The following SLC12A6 variants were observed in gnomAD, a reference collection of about 807,000 sequenced individuals.
SLC12A6 encodes K-Cl cotransporter 3.
A neutral mutation model predicts 135.3 loss-of-function variants in SLC12A6; 66 were observed. That is an observed-to-expected ratio of 0.49 (90% CI 0.40 to 0.60). SLC12A6 has a LOEUF of 0.60. SLC12A6 is among the 20% of genes least tolerant of loss of function. The pLI, the probability that SLC12A6 is intolerant of heterozygous loss-of-function variation, is 0.00. For missense variants in SLC12A6, 1,058 were observed against 1,452.3 expected, an observed-to-expected ratio of 0.73 and a Z score of 4.41; for synonymous variants, 513 against 508.8, an observed-to-expected ratio of 1.01 and a Z score of -0.11.
At chr15:34,293,047 T>G (rs1022290172) in intron 2 of SLC12A6, among the ~76,000 whole-genome samples, 1 of 152,156 alleles carries the variant, frequency 6.6e-6, no homozygotes, top group Non-Finnish European at 1.5e-5. Context: ...CCCAATGAGA[T>G]GAACCAGGTA....
At chr15:34,315,078 GC>G (rs770128249) in intron 2 of SLC12A6, among the ~76,000 whole-genome samples, 4 of 152,180 alleles carry the variant, frequency 2.6e-5, no homozygotes, top group Non-Finnish European at 4.4e-5. Context: ...CATGAAATCT[GC>G]TGATGAAGAT....
chr15:34,246,736 T>C (rs1433680741), intron 13 of SLC12A6, among the ~76,000 whole-genome samples: 1 of 152,128 alleles, frequency 6.6e-6, no homozygotes, highest in Admixed American at 6.6e-5. Context: ...AGCCTTGACC[T>C]CTCTGGCTCA....
chr15:34,242,238 A>G lies in SLC12A6; in HGVS notation c.2043-17T>C. 1.3e-6 allele frequency: 2 copies of G among 1,578,428 alleles called. No homozygotes were observed. The highest frequency in any genetic ancestry group is 1.7e-6 in the Non-Finnish European group (2 of 1,148,342). On this transcript the variant is annotated splice_polypyrimidine_tract_variant and intron_variant, in intron 16 of 25. Coordinates refer to ENST00000354181, the MANE Select transcript of SLC12A6 (RefSeq NM_001365088.1). ...GAAAGGGCCCTAGAAAATTAAAAAC[A>G]AAAAAGTATCTTTTAAAGTAGCTGA...
At chr15:34,263,476 C>T (rs1471423984) in intron 3 of SLC12A6, among the ~76,000 whole-genome samples, 1 of 151,824 alleles carries the variant, frequency 6.6e-6, no homozygotes, top group African/African-American at 2.4e-5. Context: ...TATTTTTGTA[C>T]AAACCCTTCC....
intron 3 of SLC12A6, among the ~76,000 whole-genome samples, chr15:34,261,784 T>C (rs747565611): frequency 4.6e-5 from 7 of 152,238 alleles, no homozygotes; most frequent in Non-Finnish European, 8.8e-5. Context: ...TTGATTTGCA[T>C]TTCTCTGATG....
At chr15:34,285,803 T>C (rs1247545002) in intron 2 of SLC12A6, among the ~76,000 whole-genome samples, 1 of 149,198 alleles carries the variant, frequency 6.7e-6, no homozygotes, top group Non-Finnish European at 1.5e-5. Flanking sequence ...TTGACAGCAA[T>C]ACACTAAATC....
chr15:34,314,046 T>C (rs932834118), intron 2 of SLC12A6, among the ~76,000 whole-genome samples: 8 of 134,030 alleles, frequency 6.0e-5, no homozygotes, highest in Non-Finnish European at 9.3e-5. Flanking sequence ...GCATGGTTTA[T>C]TGATTTTTTT....
intron 2 of SLC12A6, among the ~76,000 whole-genome samples, chr15:34,316,560 T>C (rs1267371914): frequency 6.6e-6 from 1 of 152,198 alleles, no homozygotes; most frequent in East Asian, 1.9e-4. Flanking sequence ...TTCTGGGCTG[T>C]TATGGAAAAT....
chr15:34,268,549 G>A (rs1194263960), intron 3 of SLC12A6, among the ~76,000 whole-genome samples: 1 of 152,172 alleles, frequency 6.6e-6, no homozygotes, highest in Non-Finnish European at 1.5e-5. Flanking sequence ...TGATTATATT[G>A]AAAGGCAAGG....
chr15:34,304,461 C>CA (rs1192505861), intron 2 of SLC12A6, among the ~76,000 whole-genome samples: 2 of 152,136 alleles, frequency 1.3e-5, no homozygotes, highest in Non-Finnish European at 2.9e-5. Flanking sequence ...AAGAAACTGT[C>CA]AAATTGTTTT....
Position 34,258,931 on chromosome 15 carries a change from G to A in SLC12A6, c.425C>T (p.Thr142Ile), listed in dbSNP as rs1409417401. Residue 142 changes from threonine to isoleucine, a missense_variant, in exon 5 of 26, where the codon ACC becomes ATC. Thr to Ile is a moderately conservative substitution (Grantham distance 89, BLOSUM62 -1). Transcript: ENST00000354181. ...NLALFEEEMD[T>I]RPKVSSLLNR... Reference sequence around the variant, plus strand: ...GAGGAGGGAAGACACCTTCGGTCTGGTGTCCATTTCTTCCTATAAAGCCAG... The same window carrying A: ...GAGGAGGGAAGACACCTTCGGTCTGATGTCCATTTCTTCCTATAAAGCCAG... 5 of 1,610,838 alleles carry A rather than the reference G, an allele frequency of 3.1e-6. No homozygotes were observed. In the East Asian group the frequency reaches 1.1e-4, roughly 36 times the overall value.
intron 2 of SLC12A6, among the ~76,000 whole-genome samples, chr15:34,282,152 C>T (rs1410213959): frequency 1.3e-5 from 2 of 152,066 alleles, no homozygotes; most frequent in African/African-American, 4.8e-5. Flanking sequence ...GTCCTTAGGG[C>T]ATAAGTACAC....
At chr15:34,284,272 C>CTT (rs1595496165) in intron 2 of SLC12A6, among the ~76,000 whole-genome samples, 11 of 118,970 alleles carry the variant, frequency 9.2e-5, no homozygotes, top group East Asian at 2.4e-4. Context: ...TTCTTTGTTT[C>CTT]TTTTCTTTTT....
intron 2 of SLC12A6, among the ~76,000 whole-genome samples, chr15:34,332,782 C>T (rs1243676181): frequency 1.9e-5 from 2 of 103,210 alleles, no homozygotes; most frequent in Non-Finnish European, 4.1e-5. Flanking sequence ...GACTTTGCCT[C>T]AAAAAAAAAA....
At position 34,243,991 on chromosome 15, in the gene SLC12A6, T is replaced by C; in HGVS notation, c.2025A>G (p.Arg675=). 1 of 1,593,726 alleles carries C rather than the reference T, an allele frequency of 6.3e-7. No individual in the cohort carries two copies. The highest frequency in any genetic ancestry group is 1.1e-5 in the South Asian group (1 of 90,680). The part of the protein sequence containing the change: ...TLLRTPNWRP[R]FRYYHWALSF... Reference sequence around the variant, plus strand: ...AGACTTACCAATGGTAGTAGCGGAATCGGGGTCTCCAGTTGGGTGTTCGAA... The same window carrying C: ...AGACTTACCAATGGTAGTAGCGGAACCGGGGTCTCCAGTTGGGTGTTCGAA... The change falls in exon 16 of 26, where the codon CGA becomes CGG. Residue 675 remains arginine (R), a synonymous_variant. Transcript: ENST00000354181.
intron 13 of SLC12A6, among the ~76,000 whole-genome samples, chr15:34,248,681 G>C (rs964328035): frequency 6.6e-6 from 1 of 152,008 alleles, no homozygotes; most frequent in Admixed American, 6.6e-5. Flanking sequence ...AGTCCTCAAA[G>C]AGCTCAACGT....
chr15:34,237,431 T>C lies in SLC12A6; in HGVS notation c.2922A>G (p.Glu974=), dbSNP rs1891344015. The stretch of plus-strand genomic sequence containing the variant: ...TCAGCTTTCTCACCATCTCCACCAC[T>C]TCTACCTCCGCCTCAATGCGTAAGT... ...LYHLRIEAEV[E]VVEMHDSDIS... The change falls in exon 22 of 26, where the codon GAA becomes GAG. Residue 974 remains glutamate (E), a synonymous_variant. Coordinates refer to ENST00000354181, the MANE Select transcript of SLC12A6 (RefSeq NM_001365088.1). 6.2e-7 allele frequency: 1 copy of C among 1,612,664 alleles called. No homozygotes were observed. Among genetic ancestry groups the C allele is most frequent in the Non-Finnish European group, 8.5e-7 (1 of 1,179,192 alleles).
At chr15:34,303,855 G>A (rs543914278) in intron 2 of SLC12A6, among the ~76,000 whole-genome samples, 18 of 152,234 alleles carry the variant, frequency 1.2e-4, no homozygotes, top group African/African-American at 4.3e-4. Flanking sequence ...CCAGAACCAC[G>A]AGTCAATAAA....
At chr15:34,300,324 G>A (rs996511410) in intron 2 of SLC12A6, among the ~76,000 whole-genome samples, 1 of 152,174 alleles carries the variant, frequency 6.6e-6, no homozygotes, top group East Asian at 1.9e-4. Context: ...GAGGTCTTAA[G>A]CATTTTAACT....
Sources: gnomAD v4.1 joint callset for allele counts (sites outside exome capture counted in the v4.1 genomes callset) on GRCh38, gnomAD v4.1.1 for gene constraint, MANE v1.5 for transcripts, NCBI Gene and HGNC (gene_info 2026-07-23, HGNC 2026-07-21) for gene names.